WDR70: variants seen among roughly 807,000 people sequenced by gnomAD.
WDR70 encodes WD repeat-containing protein 70.
WDR70 carries 53 observed loss-of-function variants against 88.6 expected under a neutral mutation model. The observed-to-expected ratio is 0.60, with a 90% CI of 0.48 to 0.75. The LOEUF (loss-of-function observed/expected upper bound fraction) is 0.75. Among genes scored for constraint, WDR70 ranks in the 30% least tolerant of loss-of-function variants. WDR70 has a pLI of 0.00. For missense variants in WDR70, 610 were observed against 823.2 expected, an observed-to-expected ratio of 0.74 and a Z score of 3.17; for synonymous variants, 280 against 270.0, an observed-to-expected ratio of 1.04 and a Z score of -0.36.
intron 10 of WDR70, among the ~76,000 whole-genome samples, chr5:37,670,381 T>C (rs180743487): frequency 6.6e-6 from 1 of 152,216 alleles, no homozygotes; most frequent in African/African-American, 2.4e-5. Context: ...CTTTTCACGA[T>C]GGGAGGTGTG....
At chr5:37,735,078 G>T (rs1748261326) in intron 17 of WDR70, among the ~76,000 whole-genome samples, 1 of 152,076 alleles carries the variant, frequency 6.6e-6, no homozygotes, top group Non-Finnish European at 1.5e-5. Flanking sequence ...TTGTGGAGTG[G>T]AGGGTGAGTA....
At chr5:37,502,017 T>C (rs1189589231) in intron 8 of WDR70, among the ~76,000 whole-genome samples, 2 of 152,250 alleles carry the variant, frequency 1.3e-5, no homozygotes, top group Admixed American at 1.3e-4. Context: ...TGTAGATTGC[T>C]TTGGGCAGTA....
rs537841474 is a variant in WDR70 at position 37,615,583 on chromosome 5, A to G, written c.1092+10345A>G. Among the ~76,000 whole-genome samples the G allele has an allele frequency of 4.6e-5, 7 of 152,304 alleles. No homozygotes were observed. The South Asian group carries it at 1.4e-3, about 32-fold the overall frequency. On this transcript the variant is annotated intron_variant, in intron 10 of 17. Transcript: ENST00000265107. ...ATGAAATATTTTAAGTTCGGTAATC[A>G]TTACTTTTAGTGACTGCTCACCAAA...
At chr5:37,442,826 A>G (rs112029348) in intron 6 of WDR70, among the ~76,000 whole-genome samples, 4,587 of 152,288 alleles carry the variant, frequency 0.03, 122 homozygotes, top group South Asian at 0.071. Flanking sequence ...TTTCAGATTC[A>G]TATGGTTTTC....
chr5:37,656,196 C>T (rs1230569624), intron 10 of WDR70, among the ~76,000 whole-genome samples: 1 of 152,180 alleles, frequency 6.6e-6, no homozygotes, highest in East Asian at 1.9e-4. Context: ...AATAGTCAGG[C>T]CCCTCTTCTG....
chr5:37,547,420 C>CTT (rs979252905), intron 9 of WDR70, among the ~76,000 whole-genome samples: 24 of 152,104 alleles, frequency 1.6e-4, no homozygotes, highest in African/African-American at 5.8e-4. Context: ...GTTTCTGTGA[C>CTT]TTACTACATG....
At chr5:37,718,391 A>G (rs1747714190) in intron 13 of WDR70, among the ~76,000 whole-genome samples, 1 of 152,158 alleles carries the variant, frequency 6.6e-6, no homozygotes, top group South Asian at 2.1e-4. Flanking sequence ...GATCTTTTCC[A>G]ATTCTGCACC....
At chr5:37,638,310 G>A (rs955463521) in intron 10 of WDR70, among the ~76,000 whole-genome samples, 1 of 152,184 alleles carries the variant, frequency 6.6e-6, no homozygotes, top group African/African-American at 2.4e-5. Flanking sequence ...AATGAATTTA[G>A]TTAAGTCATT....
chr5:37,461,629 G>T (rs1242108395), intron 7 of WDR70, among the ~76,000 whole-genome samples: 1 of 151,932 alleles, frequency 6.6e-6, no homozygotes, highest in African/African-American at 2.4e-5. Flanking sequence ...GACTACAGGT[G>T]CCCACCACCA....
intron 10 of WDR70, among the ~76,000 whole-genome samples, chr5:37,685,268 G>C (rs1037249572): frequency 6.6e-6 from 1 of 152,050 alleles, no homozygotes; most frequent in Admixed American, 6.6e-5. Flanking sequence ...GTTGGGCAGG[G>C]AAGGCAAAAT....
chr5:37,546,839 AC>A (rs1320486420), intron 9 of WDR70, among the ~76,000 whole-genome samples: 1 of 151,964 alleles, frequency 6.6e-6, no homozygotes, highest in African/African-American at 2.4e-5. Flanking sequence ...AATTGCCTGA[AC>A]CTGGGAGGCA....
chr5:37,648,257 G>A (rs1415306732), intron 10 of WDR70, among the ~76,000 whole-genome samples: 1 of 152,124 alleles, frequency 6.6e-6, no homozygotes, highest in Non-Finnish European at 1.5e-5. Flanking sequence ...CTTCAAGATA[G>A]CCTCTGAGCT....
At chr5:37,579,908 T>C (rs1561909887) in intron 9 of WDR70, among the ~76,000 whole-genome samples, 1 of 152,226 alleles carries the variant, frequency 6.6e-6, no homozygotes, top group Non-Finnish European at 1.5e-5. Flanking sequence ...TTAATTTTGC[T>C]GTCCTAGGAC....
chr5:37,610,244 C>T (rs946567341), intron 10 of WDR70, among the ~76,000 whole-genome samples: 11 of 132,424 alleles, frequency 8.3e-5, no homozygotes, highest in Admixed American at 4.3e-4. Flanking sequence ...CCAGCCTGGG[C>T]GACAGAGCAA....
intron 9 of WDR70, among the ~76,000 whole-genome samples, chr5:37,539,453 C>T (rs1319436799): frequency 6.6e-6 from 1 of 152,164 alleles, no homozygotes; most frequent in Non-Finnish European, 1.5e-5. Context: ...AGAAAGTGCC[C>T]ATCTATCAGC....
intron 9 of WDR70, among the ~76,000 whole-genome samples, chr5:37,572,395 C>T (rs1047284252): frequency 6.6e-6 from 1 of 151,930 alleles, no homozygotes; most frequent in Non-Finnish European, 1.5e-5. Context: ...AACAGTTCTG[C>T]TTAGTTCATT....
At chr5:37,691,638 A>G (rs1746797122) in intron 10 of WDR70, among the ~76,000 whole-genome samples, 1 of 152,242 alleles carries the variant, frequency 6.6e-6, no homozygotes, top group Admixed American at 6.5e-5. Flanking sequence ...ATGAAGGCAG[A>G]AATAAAGATG....
rs568645254 is a variant in WDR70 at position 37,454,888 on chromosome 5, A to G, written c.686+11516A>G. Among the ~76,000 whole-genome samples, 50 of 152,348 alleles carry G rather than the reference A, an allele frequency of 3.3e-4. 1 individual carries two copies. The South Asian group carries it at 0.01, about 32-fold the overall frequency. On this transcript the variant is annotated intron_variant, in intron 7 of 17. Coordinates refer to ENST00000265107, the MANE Select transcript of WDR70 (RefSeq NM_018034.4). The stretch of plus-strand genomic sequence containing the variant: ...TTATGTCTTGGCTTGTTCATTTGCT[A>G]TATGACTTTAGGCATGTCATTTAAT...
intron 9 of WDR70, among the ~76,000 whole-genome samples, chr5:37,554,628 A>C (rs1264227624): frequency 6.6e-6 from 1 of 151,784 alleles, no homozygotes; most frequent in East Asian, 1.9e-4. Flanking sequence ...GTTACCTTTT[A>C]GGCTAACAGA....
Sources: allele counts gnomAD v4.1 joint callset (sites outside exome capture counted in the v4.1 genomes callset), GRCh38; gene constraint gnomAD v4.1.1; transcripts MANE v1.5; gene names NCBI Gene and HGNC (gene_info 2026-07-23, HGNC 2026-07-21).